The following DCC variants were observed in gnomAD, a reference collection of about 807,000 sequenced individuals.
DCC encodes the protein netrin receptor DCC.
In DCC, 58 loss-of-function variants were observed where a neutral mutation model predicts 172.5. The observed-to-expected ratio is 0.34, with a 90% confidence interval of 0.27 to 0.42. The LOEUF (loss-of-function observed/expected upper bound fraction) is 0.42, where lower values mean the gene tolerates loss of function less well. Ranked by LOEUF, DCC falls within the 10% of genes least tolerant of loss-of-function variation. The probability of loss-of-function intolerance (pLI) is 1.00; values close to 1 mark genes in which losing one functional copy is unlikely to be tolerated. For missense variants in DCC, 1,740 were observed against 1,791.0 expected (o/e 0.97, Z 0.51); for synonymous variants, 709 against 644.5 (o/e 1.10, Z -1.52).
chr18:52,903,158 T>G (rs1433414350), intron 2 of DCC, among the ~76,000 whole-genome samples: 2 of 152,238 alleles, frequency 1.3e-5, no homozygotes, highest in Non-Finnish European at 2.9e-5. Context: ...AAATACATTT[T>G]TGAATGCAAA....
chr18:52,360,187 G>A (rs1369195080), intron 1 of DCC, among the ~76,000 whole-genome samples: 4 of 151,994 alleles, frequency 2.6e-5, no homozygotes, highest in Non-Finnish European at 1.5e-5. Flanking sequence ...TTATTATTTA[G>A]ACACTTCTAG....
chr18:53,211,514 G>C (rs2055751965), intron 11 of DCC, among the ~76,000 whole-genome samples: 1 of 152,136 alleles, frequency 6.6e-6, no homozygotes. Flanking sequence ...ACAAGGTCAG[G>C]AGATCTAAAG....
At chr18:53,183,233 G>A (rs1158068922) in intron 9 of DCC, among the ~76,000 whole-genome samples, 1 of 152,110 alleles carries the variant, frequency 6.6e-6, no homozygotes, top group Non-Finnish European at 1.5e-5. Context: ...CATACATTTT[G>A]TAGTAATCAT....
At chr18:52,397,204 C>T (rs1370560225) in intron 1 of DCC, among the ~76,000 whole-genome samples, 1 of 143,798 alleles carries the variant, frequency 7.0e-6, no homozygotes, top group East Asian at 1.9e-4. Flanking sequence ...ATTTCTGGGC[C>T]CCACTACTAG....
Position 52,765,727 on chromosome 18 carries a change from C to G in DCC, c.412+13353C>G, listed in dbSNP as rs542966750. 7.9e-5 allele frequency among the ~76,000 whole-genome samples: 12 copies of G among 152,324 alleles called. No homozygotes were observed. In the South Asian group the frequency reaches 2.5e-3, roughly 32 times the overall value. On this transcript the variant is annotated intron_variant, in intron 2 of 28. Transcript: ENST00000442544. ...GTCTTAGCTTCCCTAGGCAGTGAGACTCCACAGAACCTTGCTAGTTGTGTG... is the reference window on the plus strand; with the variant it reads ...GTCTTAGCTTCCCTAGGCAGTGAGAGTCCACAGAACCTTGCTAGTTGTGTG...
At chr18:52,620,228 T>G (rs977806179) in intron 1 of DCC, among the ~76,000 whole-genome samples, 1 of 152,204 alleles carries the variant, frequency 6.6e-6, no homozygotes, top group Non-Finnish European at 1.5e-5. Context: ...ATTTCTCTCC[T>G]TATCTGTGAA....
chr18:53,142,739 G>A (rs773471875), intron 7 of DCC, among the ~76,000 whole-genome samples: 10 of 152,192 alleles, frequency 6.6e-5, no homozygotes, highest in African/African-American at 9.6e-5. Context: ...AGAAATCGAC[G>A]TTGCTATATT....
intron 1 of DCC, among the ~76,000 whole-genome samples, chr18:52,500,923 T>G (rs576555800): frequency 3.7e-4 from 56 of 152,316 alleles, no homozygotes; most frequent in African/African-American, 1.3e-3. Flanking sequence ...ACAAAGCATT[T>G]GACCAAGTAA....
intron 11 of DCC, among the ~76,000 whole-genome samples, chr18:53,209,197 G>T (rs1166996300): frequency 6.6e-6 from 1 of 152,152 alleles, no homozygotes; most frequent in African/African-American, 2.4e-5. Context: ...TTAATAAAGA[G>T]AATAAATTTG....
chr18:53,052,201 C>T (rs1213451447), intron 5 of DCC, among the ~76,000 whole-genome samples: 3 of 151,990 alleles, frequency 2.0e-5, no homozygotes, highest in South Asian at 4.2e-4. Flanking sequence ...GGTCCACTAA[C>T]TCCCTTTTCA....
intron 2 of DCC, among the ~76,000 whole-genome samples, chr18:52,785,043 T>C (rs185143362): frequency 1.2e-3 from 186 of 152,000 alleles, no homozygotes; most frequent in African/African-American, 3.8e-3. Context: ...CTGATTTACA[T>C]AGGGCTCACA....
chr18:53,038,115 G>A (rs570384842), intron 5 of DCC, among the ~76,000 whole-genome samples: 1 of 151,798 alleles, frequency 6.6e-6, no homozygotes, highest in Admixed American at 6.6e-5. Flanking sequence ...TATTCATTTA[G>A]CCCTCAACAA....
intron 7 of DCC, among the ~76,000 whole-genome samples, chr18:53,134,598 C>A (rs959901916): frequency 2.6e-5 from 4 of 152,084 alleles, no homozygotes; most frequent in African/African-American, 7.2e-5. Context: ...TTTTACCTAG[C>A]CAGTTGGTAG....
intron 12 of DCC, among the ~76,000 whole-genome samples, chr18:53,279,447 T>G (rs1459986004): frequency 3.0e-5 from 4 of 131,806 alleles, no homozygotes; most frequent in African/African-American, 1.2e-4. Context: ...AATTGAACAA[T>G]GAGAACACAT....
At position 53,499,389 on chromosome 18, in the gene DCC, C is replaced by T; in HGVS notation, c.3990C>T (p.Thr1330=). The T allele has an allele frequency of 6.2e-7, 1 of 1,614,128 alleles. No individual in the cohort carries two copies. The highest frequency in any genetic ancestry group is 2.2e-5 in the East Asian group (1 of 44,870). Residue 1330 remains threonine (T), a synonymous_variant, in exon 27 of 29, where the codon ACC becomes ACT. Coordinates refer to ENST00000442544, the MANE Select transcript of DCC (RefSeq NM_005215.4). ...GCAGCGAGGAGGCACCAAGCAGAACCATCCCCACAGCTTGTGTTCGACCAA... is the reference window on the plus strand; with the variant it reads ...GCAGCGAGGAGGCACCAAGCAGAACTATCCCCACAGCTTGTGTTCGACCAA... The part of the protein sequence containing the change: ...HSSSEEAPSR[T]IPTACVRPTH...
Position 53,506,263 on chromosome 18 carries a change from T to TTCAAG in DCC, c.4111+6756_4111+6760dup, listed in dbSNP as rs542235067. On this transcript the variant is annotated intron_variant, in intron 27 of 28. Transcript: ENST00000442544. ...CAGAATTTGACTGCAGTTCTTCAAT[T>TTCAAG]TCAAGTCTAATAATGAGTTTAGACA... 2.6e-4 allele frequency among the ~76,000 whole-genome samples: 39 copies of TTCAAG among 152,282 alleles called. No individual in the cohort carries two copies. In the East Asian group the frequency reaches 6.9e-3, roughly 27 times the overall value.
At chr18:52,793,615 C>T in intron 2 of DCC, among the ~76,000 whole-genome samples, 1 of 152,058 alleles carries the variant, frequency 6.6e-6, no homozygotes, top group East Asian at 1.9e-4. Context: ...TTGATTGCTT[C>T]CTTTGGTGTG....
chr18:52,835,120 T>A (rs2038682360), intron 2 of DCC, among the ~76,000 whole-genome samples: 1 of 152,242 alleles, frequency 6.6e-6, no homozygotes, highest in African/African-American at 2.4e-5. Flanking sequence ...TTTAGGTTAT[T>A]TAACATTCCA....
chr18:53,177,912 C>T (rs1027307613), intron 8 of DCC, among the ~76,000 whole-genome samples: 4 of 152,118 alleles, frequency 2.6e-5, no homozygotes, highest in African/African-American at 9.7e-5. Context: ...GCACTTAGAA[C>T]TTTTACTTTT....
Sources: allele counts gnomAD v4.1 joint callset (sites outside exome capture counted in the v4.1 genomes callset), GRCh38; gene constraint gnomAD v4.1.1; transcripts MANE v1.5; gene names NCBI Gene and HGNC (gene_info 2026-07-23, HGNC 2026-07-21).